Variants in RPTOR observed in about 807,000 individuals in gnomAD.
The protein encoded by RPTOR is regulatory-associated protein of mTOR.
RPTOR carries 21 observed loss-of-function variants against 169.9 expected under a neutral mutation model. That is an observed-to-expected ratio of 0.12 (90% CI 0.09 to 0.18). The LOEUF is 0.18. Among genes scored for constraint, RPTOR ranks in the 10% least tolerant of loss-of-function variants. The probability of loss-of-function intolerance (pLI) is 1.00; values close to 1 mark genes in which losing one functional copy is unlikely to be tolerated. For missense variants in RPTOR, 1,133 were observed against 1,855.9 expected (o/e 0.61, Z 7.16); for synonymous variants, 732 against 753.2 (o/e 0.97, Z 0.46).
At chr17:80,816,517 G>A (rs1199597367) in intron 7 of RPTOR, among the ~76,000 whole-genome samples, 1 of 152,258 alleles carries the variant, frequency 6.6e-6, no homozygotes, top group East Asian at 1.9e-4. Flanking sequence ...GAAGCGCCTT[G>A]TCGTGAGACC....
rs1346075418 is a variant in RPTOR, at chr17:80,779,624, A to G, written c.831-11826A>G. 3.3e-5 allele frequency among the ~76,000 whole-genome samples: 5 copies of G among 152,160 alleles called. No homozygotes were observed. The East Asian group carries it at 9.7e-4, about 30-fold the overall frequency. On this transcript the variant is annotated intron_variant, in intron 6 of 33. Coordinates refer to ENST00000306801, the MANE Select transcript of RPTOR (RefSeq NM_020761.3). ...GTTCATCTGCTTGCGGAAGCCTCTT[A>G]AGGGCGGTTGGGAGAGACCCTCAGT...
rs1475826342 is a variant in RPTOR at position 80,695,802 on chromosome 17, C to T, written c.349-12039C>T. On this transcript the variant is annotated intron_variant, in intron 3 of 33. Transcript: ENST00000306801. This position sits in a 1 kb window ranked among gnomAD's most constrained non-coding sequence, Gnocchi z 4.9. Reference sequence around the variant, plus strand: ...GACAGGAGCTCAGGATGCAGAGGCACCAAGGCCAGGGAGGAGCGTTGGGGG... The same window carrying T: ...GACAGGAGCTCAGGATGCAGAGGCATCAAGGCCAGGGAGGAGCGTTGGGGG... 6.6e-6 allele frequency among the ~76,000 whole-genome samples: 1 copy of T among 152,168 alleles called. No individual in the cohort carries two copies. The highest frequency in any genetic ancestry group is 1.5e-5 in the Non-Finnish European group (1 of 68,022).
intron 1 of RPTOR, among the ~76,000 whole-genome samples, chr17:80,583,108 A>T (rs1347952573): frequency 6.6e-6 from 1 of 150,464 alleles, no homozygotes; most frequent in African/African-American, 2.5e-5. Flanking sequence ...CTTTCAGTAC[A>T]CATAAAGGCA....
chr17:80,893,555 CGCACCAGGGTGTGTGT>C (rs2068360466), intron 19 of RPTOR, 136 bp from the exon 20 acceptor site: 1 of 912,008 alleles, frequency 1.1e-6, no homozygotes, highest in Non-Finnish European at 1.6e-6. Flanking sequence ...AGGGTGTGTG[CGCACCAGGGTGTGTGT>C]GTACCAGGGT....
chr17:80,945,253 A>G (rs1219569188), intron 25 of RPTOR, among the ~76,000 whole-genome samples: 1 of 151,890 alleles, frequency 6.6e-6, no homozygotes, highest in Non-Finnish European at 1.5e-5. Context: ...TGATCACACC[A>G]CTCTGCACCC....
intron 4 of RPTOR, among the ~76,000 whole-genome samples, chr17:80,727,662 A>G (rs542037128): frequency 1.3e-5 from 2 of 152,344 alleles, no homozygotes; most frequent in South Asian, 2.1e-4. Flanking sequence ...CTGGAAAGGA[A>G]ACTGGGCCAT....
chr17:80,813,014 C>T (rs1455461440), intron 7 of RPTOR, among the ~76,000 whole-genome samples: 1 of 152,238 alleles, frequency 6.6e-6, no homozygotes, highest in Non-Finnish European at 1.5e-5. Flanking sequence ...GTCCCTCTGC[C>T]CTCCAGACTA....
At chr17:80,723,466 T>C (rs2066304164) in intron 4 of RPTOR, among the ~76,000 whole-genome samples, 1 of 151,370 alleles carries the variant, frequency 6.6e-6, no homozygotes, top group Non-Finnish European at 1.5e-5. Context: ...CTAATATTTA[T>C]TTTACTTCTT....
chr17:80,602,636 A>G, intron 1 of RPTOR: 1 of 666,288 alleles, frequency 1.5e-6, no homozygotes, highest in Non-Finnish European at 2.8e-6. Context: ...TATTTGGTGA[A>G]TCTTCATCCT....
At chr17:80,884,876 G>A in intron 16 of RPTOR, 132 bp from the exon 17 acceptor site, 1 of 1,227,998 alleles carries the variant, frequency 8.1e-7, no homozygotes, top group Non-Finnish European at 1.1e-6. Flanking sequence ...TGCGAGGAGA[G>A]CCTTGGGCCT....
chr17:80,764,117 GTTATTTTATT>G (rs71164002), intron 6 of RPTOR, among the ~76,000 whole-genome samples: 5,562 of 138,504 alleles, frequency 0.04, 270 homozygotes, highest in African/African-American at 0.11. Flanking sequence ...GACTTCTTTT[GTTATTTTATT>G]TTATTTTATT....
intron 20 of RPTOR, among the ~76,000 whole-genome samples, chr17:80,904,193 C>A (rs2068512585): frequency 6.6e-6 from 1 of 152,178 alleles, no homozygotes; most frequent in African/African-American, 2.4e-5. Context: ...AACAGCCACA[C>A]CGAGTTGTGG....
At chr17:80,905,828 G>A (rs1207689764) in intron 20 of RPTOR, among the ~76,000 whole-genome samples, 4 of 152,158 alleles carry the variant, frequency 2.6e-5, no homozygotes, top group South Asian at 2.1e-4. Flanking sequence ...GCCTCCTGCC[G>A]TGCCTGCCCT....
intron 7 of RPTOR, chr17:80,802,115 T>C (rs551827314): frequency 6.6e-6 from 1 of 152,330 alleles, no homozygotes; most frequent in South Asian, 2.1e-4. Flanking sequence ...CAAGGGGGAA[T>C]GTGAGAGGTT....
intron 6 of RPTOR, among the ~76,000 whole-genome samples, chr17:80,755,100 A>G (rs1459093482): frequency 1.3e-5 from 2 of 151,336 alleles, no homozygotes; most frequent in Admixed American, 1.3e-4. Context: ...CTGAGGGGGG[A>G]GGAAAACTTG....
intron 13 of RPTOR, among the ~76,000 whole-genome samples, chr17:80,871,793 G>A (rs182395448): frequency 2.0e-5 from 3 of 152,148 alleles, no homozygotes; most frequent in African/African-American, 7.2e-5. Context: ...TGCATTTCTG[G>A]GATTTTTTAG....
intron 29 of RPTOR, among the ~76,000 whole-genome samples, chr17:80,958,648 C>T (rs1036324004): frequency 3.3e-5 from 5 of 152,038 alleles, no homozygotes; most frequent in East Asian, 1.9e-4. Flanking sequence ...CTCCTGACCT[C>T]GTGATCCGCC....
chr17:80,737,294 C>T (rs1019086686), intron 5 of RPTOR, among the ~76,000 whole-genome samples: 2 of 152,172 alleles, frequency 1.3e-5, no homozygotes, highest in African/African-American at 4.8e-5. Flanking sequence ...CTGGCTGCTG[C>T]GCTGGGGACT....
At chr17:80,777,697 C>T (rs1417295232) in intron 6 of RPTOR, among the ~76,000 whole-genome samples, 1 of 152,202 alleles carries the variant, frequency 6.6e-6, no homozygotes, top group Non-Finnish European at 1.5e-5. Context: ...TGAAGTTTGA[C>T]GCCTGCGCCG....
Sources: gnomAD v4.1 joint callset for allele counts (sites outside exome capture counted in the v4.1 genomes callset) on GRCh38, gnomAD v4.1.1 for gene constraint, Gnocchi (gnomAD v3.1) non-coding constraint, MANE v1.5 for transcripts, NCBI Gene and HGNC (gene_info 2026-07-23, HGNC 2026-07-21) for gene names.